The following GPR35 variants were observed in gnomAD, a reference collection of about 807,000 sequenced individuals.
The protein encoded by GPR35 is KYNA receptor.
For synonymous variants in GPR35, 207 were observed against 198.4 expected, an observed-to-expected ratio of 1.04 and a Z score of -0.36; for missense variants, 372 against 422.5, an observed-to-expected ratio of 0.88 and a Z score of 1.05.
chr2:240,619,140 A>C, intron 5 of GPR35: 2 of 604,878 alleles, frequency 3.3e-6, no homozygotes, highest in Non-Finnish European at 6.0e-6. Flanking sequence ...GCCACCTTAG[A>C]GATCAGTGAT....
upstream of GPR35, among the ~76,000 whole-genome samples, chr2:240,624,467 A>C (rs2043345915): frequency 6.6e-6 from 1 of 152,180 alleles, no homozygotes; most frequent in South Asian, 2.1e-4. Context: ...GGGCTTCCTC[A>C]CGTGCCTCTG....
At position 240,633,003 on chromosome 2, in the gene GPR35, G is replaced by T. The variant is rs1040323247; in HGVS notation, c.*2121G>T. On this transcript the variant is annotated 3_prime_UTR_variant, in exon 2 of 2. Coordinates refer to ENST00000407714, the MANE Select transcript of GPR35 (RefSeq NM_005301.5). Reference sequence around the variant, plus strand: ...GAGTGAGTTCTCATGAGATCTGATGGTTTTATAAGGGGCTCTTCCCTTCAC... The same window carrying T: ...GAGTGAGTTCTCATGAGATCTGATGTTTTTATAAGGGGCTCTTCCCTTCAC... Among the ~76,000 whole-genome samples the T allele has an allele frequency of 6.6e-6, 1 of 152,202 alleles. No individual in the cohort carries two copies. Among genetic ancestry groups the T allele is most frequent in the Non-Finnish European group, 1.5e-5 (1 of 68,042 alleles).
At chr2:240,613,943 C>A in intron 2 of GPR35, among the ~76,000 whole-genome samples, 1 of 151,954 alleles carries the variant, frequency 6.6e-6, no homozygotes. Context: ...GAAACTCTAA[C>A]CCTAACCCTA....
chr2:240,612,258 G>A (rs1439091642), intron 2 of GPR35, among the ~76,000 whole-genome samples: 16 of 150,894 alleles, frequency 1.1e-4, no homozygotes, highest in South Asian at 6.3e-4. Flanking sequence ...GTGAAACCCC[G>A]TCTCTACTAA....
Position 240,630,032 on chromosome 2 carries a change from T to C in GPR35, c.80T>C (p.Leu27Ser), listed in dbSNP as rs150808237. 1.3e-4 allele frequency: 216 copies of C among 1,612,836 alleles called. No homozygotes were observed. In the African/African-American group the frequency reaches 2.5e-3, roughly 19 times the overall value. ...ATCAAGCTGGGCTTCTACGCCTACT[T>C]GGGCGTCCTGCTGGTGCTAGGCCTG... is the stretch of plus-strand genomic sequence containing the variant. ...PAIKLGFYAY[L>S]GVLLVLGLLL... Residue 27 changes from leucine to serine, a missense_variant, in exon 2 of 2, where the codon TTG becomes TCG. Leu to Ser is a moderately radical substitution (Grantham distance 145, BLOSUM62 -2). Coordinates refer to ENST00000407714, the MANE Select transcript of GPR35 (RefSeq NM_005301.5).
chr2:240,624,511 G>C (rs1222336496), upstream of GPR35, among the ~76,000 whole-genome samples: 1 of 152,250 alleles, frequency 6.6e-6, no homozygotes, highest in Non-Finnish European at 1.5e-5. Flanking sequence ...AGGAGGCCCA[G>C]GCACTGGTCT....
intron 2 of GPR35, among the ~76,000 whole-genome samples, chr2:240,606,850 C>T (rs867349383): frequency 7.2e-5 from 11 of 152,196 alleles, no homozygotes; most frequent in African/African-American, 2.2e-4. Context: ...TGAGTCTTAT[C>T]TCCTGGGCAA....
chr2:240,619,918 G>C (rs1242937414), intron 5 of GPR35, among the ~76,000 whole-genome samples: 2 of 152,208 alleles, frequency 1.3e-5, no homozygotes, highest in Non-Finnish European at 2.9e-5. Flanking sequence ...GGCCTCAAGC[G>C]GGGGCCCGAT....
At position 240,629,929 on chromosome 2, in the gene GPR35, G is replaced by C. The variant is rs764257277; in HGVS notation, c.-4-20G>C. 8 of 1,580,224 alleles carry C rather than the reference G, an allele frequency of 5.1e-6. No homozygotes were observed. The highest frequency in any genetic ancestry group is 1.1e-5 in the South Asian group (1 of 88,294). The stretch of plus-strand genomic sequence containing the variant: ...CCCTGCTCACTCTCTGCTGACCTCC[G>C]GCTCCCTGTGCTGCCCCAGGACCAT... On this transcript the variant is annotated intron_variant, in intron 1 of 1. Coordinates refer to ENST00000407714, the MANE Select transcript of GPR35 (RefSeq NM_005301.5).
intron 2 of GPR35, among the ~76,000 whole-genome samples, chr2:240,615,222 C>T (rs150157155): frequency 7.9e-5 from 12 of 152,282 alleles, no homozygotes; most frequent in Admixed American, 1.3e-4. Context: ...CCAGGGCTCA[C>T]GAGGCCCCAG....
intron 1 of GPR35, among the ~76,000 whole-genome samples, chr2:240,626,057 G>C (rs866991069): frequency 1.7e-4 from 3 of 17,190 alleles, no homozygotes; most frequent in African/African-American, 4.1e-4. Flanking sequence ...GGGTGAGGCT[G>C]TGATGGGGGT....
chr2:240,630,935 G>C lies in GPR35; in HGVS notation c.*53G>C. ...GGTCTCGGGGGCTCCGGGAGGTGCT[G>C]CCTGCCAGGGGAAGCTGGAACCAGT... On this transcript the variant is annotated 3_prime_UTR_variant, in exon 2 of 2. Coordinates refer to ENST00000407714, the MANE Select transcript of GPR35 (RefSeq NM_005301.5). 1 of 1,464,876 alleles carries C rather than the reference G, an allele frequency of 6.8e-7. No homozygotes were observed. Among genetic ancestry groups the C allele is most frequent in the Non-Finnish European group, 9.4e-7 (1 of 1,062,712 alleles). 90.7% of individuals were successfully genotyped at this position (1,464,876 alleles called of 1,614,324 possible).
intron 1 of GPR35, chr2:240,627,411 A>G (rs2043390685): frequency 1.3e-5 from 2 of 152,174 alleles, no homozygotes; most frequent in African/African-American, 4.8e-5. Context: ...TTTTCTCCCT[A>G]ATAGTTCAGT....
chr2:240,631,116 C>T lies in GPR35; in HGVS notation c.*234C>T. The T allele has an allele frequency of 1.7e-6, 1 of 572,822 alleles. No homozygotes were observed. Among genetic ancestry groups the T allele is most frequent in the South Asian group, 2.3e-5 (1 of 42,950 alleles). The allele number at this position is 572,822 out of a possible 1,614,324, so 35.5% of individuals were successfully genotyped here. A position where few individuals can be genotyped will look rare whatever the true frequency, so the allele number is the denominator to read the frequency against. On this transcript the variant is annotated 3_prime_UTR_variant, in exon 2 of 2. Transcript: ENST00000407714. Reference sequence around the variant, plus strand: ...CAGAGCAAGGCCAATGTCAGAGACCCCCGGGATGGGGCCTCACACTTGCCA... The same window carrying T: ...CAGAGCAAGGCCAATGTCAGAGACCTCCGGGATGGGGCCTCACACTTGCCA...
chr2:240,622,459 G>A (rs572515802), upstream of GPR35, among the ~76,000 whole-genome samples: 1 of 152,332 alleles, frequency 6.6e-6, no homozygotes, highest in Admixed American at 6.5e-5. Context: ...GCTTCCCCGG[G>A]CCGCATTGGA....
chr2:240,629,973 CT>C lies in GPR35; in HGVS notation c.22del (p.Cys8ValfsTer26). 6.2e-7 allele frequency: 1 copy of C among 1,607,150 alleles called. No homozygotes were observed. The highest frequency in any genetic ancestry group is 8.5e-7 in the Non-Finnish European group (1 of 1,175,230). MNGTYNT[C>X]GSSDLTWPPA... ...GGACCATGAATGGCACCTACAACACCTGTGGCTCCAGCGACCTCACCTGGCC... is the reference window on the plus strand; with the variant it reads ...GGACCATGAATGGCACCTACAACACCGTGGCTCCAGCGACCTCACCTGGCC... On this transcript the variant is annotated frameshift_variant, in exon 2 of 2. Coordinates refer to ENST00000407714, the MANE Select transcript of GPR35 (RefSeq NM_005301.5). LOFTEE classifies it low-confidence loss of function (END_TRUNC).
In GPR35 at chr2:240,631,868, A is replaced by G. The variant is rs1402485776; in HGVS notation, c.*986A>G. Among the ~76,000 whole-genome samples the G allele has an allele frequency of 6.6e-6, 1 of 152,146 alleles. No individual in the cohort carries two copies. Among genetic ancestry groups the G allele is most frequent in the Non-Finnish European group, 1.5e-5 (1 of 68,024 alleles). On this transcript the variant is annotated 3_prime_UTR_variant, in exon 2 of 2. Coordinates refer to ENST00000407714, the MANE Select transcript of GPR35 (RefSeq NM_005301.5). The stretch of plus-strand genomic sequence containing the variant: ...CATCCCATATTGCATGTCCACAGGC[A>G]CCGCCCCACCCTGTTCCATGTTCCA...
upstream of GPR35, among the ~76,000 whole-genome samples, chr2:240,622,415 A>G (rs1397398530): frequency 6.6e-6 from 1 of 152,222 alleles, no homozygotes; most frequent in Non-Finnish European, 1.5e-5. Context: ...CGCCTCACAG[A>G]CTTCCCTTCA....
chr2:240,613,539 A>G (rs751225936), intron 2 of GPR35, among the ~76,000 whole-genome samples: 1 of 151,980 alleles, frequency 6.6e-6, no homozygotes, highest in Non-Finnish European at 1.5e-5. Flanking sequence ...AACCCTAACC[A>G]TAACCATAAA....
Sources: allele counts gnomAD v4.1 joint callset (sites outside exome capture counted in the v4.1 genomes callset), GRCh38; gene constraint gnomAD v4.1.1; transcripts MANE v1.5; gene names NCBI Gene and HGNC (gene_info 2026-07-23, HGNC 2026-07-21).